Variants in FKBP5 observed in about 807,000 individuals in gnomAD.
The protein encoded by FKBP5 is FKBP prolyl isomerase 5.
A neutral mutation model predicts 50.5 loss-of-function variants in FKBP5; 23 were observed. The observed-to-expected ratio is 0.46, with a 90% CI of 0.33 to 0.65. The LOEUF (loss-of-function observed/expected upper bound fraction) is 0.65, where lower values mean the gene tolerates loss of function less well. Ranked by LOEUF, FKBP5 falls within the 30% of genes least tolerant of loss-of-function variation. The pLI is 0.02. For missense variants in FKBP5, 411 were observed against 553.1 expected, an observed-to-expected ratio of 0.74 and a Z score of 2.58; for synonymous variants, 176 against 190.6, an observed-to-expected ratio of 0.92 and a Z score of 0.63.
At position 35,706,930 on chromosome 6, in the gene FKBP5, T is replaced by C. The variant is rs566152588; in HGVS notation, c.-20+13398A>G. 5.9e-5 allele frequency among the ~76,000 whole-genome samples: 9 copies of C among 152,298 alleles called. No homozygotes were observed. The South Asian group carries it at 1.9e-3, about 32-fold the overall frequency. ...CTTACATAGAAAAATCTATAAAATA[T>C]ATTAGGTGAAAAAGCAAAGCATAGA... On this transcript the variant is annotated intron_variant, in intron 2 of 11. Transcript: ENST00000536438.
At chr6:35,630,306 T>C (rs1055596654) in intron 3 of FKBP5, among the ~76,000 whole-genome samples, 8 of 152,118 alleles carry the variant, frequency 5.3e-5, no homozygotes, top group African/African-American at 1.2e-4. Context: ...TACCAGCACT[T>C]TGGGGGCCAA....
chr6:35,577,798 T>C (rs979719316), intron 9 of FKBP5, among the ~76,000 whole-genome samples: 1 of 152,226 alleles, frequency 6.6e-6, no homozygotes, highest in Non-Finnish European at 1.5e-5. Flanking sequence ...GTTCACACCC[T>C]AATCCCAGCA....
intron 6 of FKBP5, among the ~76,000 whole-genome samples, chr6:35,595,581 T>C (rs1055518535): frequency 3.3e-5 from 5 of 151,930 alleles, no homozygotes; most frequent in South Asian, 2.1e-4. Flanking sequence ...CAAAACCCTG[T>C]CTCCACAAAA....
chr6:35,655,636 G>T (rs371634197), intron 1 of FKBP5, among the ~76,000 whole-genome samples: 62 of 152,218 alleles, frequency 4.1e-4, no homozygotes, highest in African/African-American at 1.5e-3. Flanking sequence ...AGATGATCAC[G>T]ATTTTCAAAA....
intron 1 of FKBP5, among the ~76,000 whole-genome samples, chr6:35,649,823 C>G (rs1764740078): frequency 6.6e-6 from 1 of 152,100 alleles, no homozygotes. Flanking sequence ...ATCAACTAAA[C>G]ACAGATCACT....
chr6:35,642,692 T>G (rs1764526806), intron 2 of FKBP5, 28 bp downstream of exon 2: 2 of 1,567,332 alleles, frequency 1.3e-6, no homozygotes, highest in South Asian at 2.2e-5. Context: ...CAGGTTTCCT[T>G]GTATGTCACT....
chr6:35,704,864 G>A (rs60806443), intron 2 of FKBP5, among the ~76,000 whole-genome samples: 15 of 152,060 alleles, frequency 9.9e-5, no homozygotes, highest in African/African-American at 3.6e-4. Context: ...TCTGCTGGCC[G>A]GGCGCGGTGG....
upstream of FKBP5, chr6:35,689,032 G>A (rs1053827585): frequency 1.3e-5 from 2 of 151,848 alleles, no homozygotes; most frequent in African/African-American, 2.4e-5. Flanking sequence ...GCCCCCAAAA[G>A]GCGCGCGGGC....
intron 5 of FKBP5, among the ~76,000 whole-genome samples, chr6:35,615,644 G>A (rs545677969): frequency 2.6e-4 from 39 of 152,278 alleles, no homozygotes; most frequent in Non-Finnish European, 5.1e-4. Flanking sequence ...TCAAATTAAT[G>A]TAGAGAGAAT....
rs1339489726 is a variant in FKBP5, at chr6:35,576,321, G to A, written c.1267-379C>T. On this transcript the variant is annotated intron_variant, in intron 10 of 10. Coordinates refer to ENST00000357266, the MANE Select transcript of FKBP5 (RefSeq NM_004117.4). ...GGGCTCCTATAACATCCCATTTCCT[G>A]GGAAAATCGTAAGTCTTACTTGAAA... Among the ~76,000 whole-genome samples the A allele has an allele frequency of 2.6e-5, 4 of 151,902 alleles. No individual in the cohort carries two copies. In the South Asian group the frequency reaches 6.2e-4, roughly 24 times the overall value.
In FKBP5 at chr6:35,661,271, G is replaced by T. The variant is rs1039426256; in HGVS notation, c.-19-18428C>A. On this transcript the variant is annotated intron_variant, in intron 1 of 10. Transcript: ENST00000357266. ...CCCAATGTACTGGGATTACAGGCAT[G>T]AGCCACCACACCCGGCCTGAATTGT... is the stretch of plus-strand genomic sequence containing the variant. 2.4e-5 allele frequency among the ~76,000 whole-genome samples: 2 copies of T among 82,804 alleles called. 1 individual carries two copies. The allele number at this position is 82,804 out of a possible 152,430, so 54.3% of individuals were successfully genotyped here.
chr6:35,605,158 C>A (rs1763268913), intron 5 of FKBP5, among the ~76,000 whole-genome samples: 2 of 152,080 alleles, frequency 1.3e-5, no homozygotes, highest in Non-Finnish European at 2.9e-5. Flanking sequence ...CCCCACTCCA[C>A]ATGGGGTGAT....
At chr6:35,694,308 G>A (rs1424059377) in intron 2 of FKBP5, among the ~76,000 whole-genome samples, 2 of 151,938 alleles carry the variant, frequency 1.3e-5, no homozygotes, top group African/African-American at 4.8e-5. Context: ...AACATGTCTG[G>A]TTAATTTTTT....
At chr6:35,616,859 A>C (rs1763676256) in intron 5 of FKBP5, among the ~76,000 whole-genome samples, 1 of 151,764 alleles carries the variant, frequency 6.6e-6, no homozygotes, top group African/African-American at 2.4e-5. Context: ...TAAAATACAC[A>C]TTATAGACAA....
At chr6:35,596,765 G>A (rs1013169854) in intron 6 of FKBP5, among the ~76,000 whole-genome samples, 3 of 152,148 alleles carry the variant, frequency 2.0e-5, no homozygotes, top group African/African-American at 7.2e-5. Flanking sequence ...CAAAAAATGA[G>A]TCATCTCTGT....
intron 1 of FKBP5, among the ~76,000 whole-genome samples, chr6:35,670,277 T>A (rs2151004152): frequency 6.6e-6 from 1 of 152,130 alleles, no homozygotes; most frequent in East Asian, 1.9e-4. Flanking sequence ...ACAATTTTTT[T>A]AAATAAAAGA....
At chr6:35,681,985 G>A (rs1353186580) in intron 1 of FKBP5, among the ~76,000 whole-genome samples, 1 of 152,120 alleles carries the variant, frequency 6.6e-6, no homozygotes, top group Non-Finnish European at 1.5e-5. Flanking sequence ...GGAAAGATGA[G>A]CATCTCAATT....
chr6:35,658,475 T>A (rs1377218177), intron 1 of FKBP5, among the ~76,000 whole-genome samples: 1 of 152,144 alleles, frequency 6.6e-6, no homozygotes, highest in Non-Finnish European at 1.5e-5. Context: ...AGGGAAAGCA[T>A]TCAGTCTTTC....
chr6:35,588,904 G>A (rs2150958297), intron 7 of FKBP5, among the ~76,000 whole-genome samples: 1 of 150,530 alleles, frequency 6.6e-6, no homozygotes, highest in African/African-American at 2.4e-5. Flanking sequence ...CCACACCCAG[G>A]AAAATTTTAA....
Sources: allele counts gnomAD v4.1 joint callset (sites outside exome capture counted in the v4.1 genomes callset), GRCh38; gene constraint gnomAD v4.1.1; transcripts MANE v1.5; gene names NCBI Gene and HGNC (gene_info 2026-07-23, HGNC 2026-07-21).